The following EXOC6 variants were observed in gnomAD, a reference collection of about 807,000 sequenced individuals.
EXOC6 encodes exocyst complex component 6.
Under a neutral mutation model 112.5 loss-of-function variants are expected in EXOC6, and 60 were observed. The observed-to-expected ratio is 0.53, with a 90% CI of 0.43 to 0.66. The LOEUF is 0.66. Among genes scored for constraint, EXOC6 ranks in the 30% least tolerant of loss-of-function variants. The pLI, the probability that EXOC6 is intolerant of heterozygous loss-of-function variation, is 0.00. For synonymous variants in EXOC6, 295 were observed against 308.0 expected (o/e 0.96, Z 0.44); for missense variants, 855 against 957.1 (o/e 0.89, Z 1.41).
In EXOC6 at chr10:92,920,001, T is replaced by C. The variant is rs1156544167; in HGVS notation, c.839T>C (p.Leu280Pro). ...NEEEILTVQD[L>P]VDFSPVYRCL... is the part of the protein sequence containing the mutation. ...TTTCAGATCTTAACTGTTCAGGATC[T>C]TGTTGATTTTTCCCCTGTTTATCGA... The change falls in exon 8 of 22, where the codon CTT (leucine) becomes CCT (proline). Residue 280 changes from leucine (L) to proline (P), a missense_variant. Leu to Pro is a moderately conservative substitution (Grantham distance 98, BLOSUM62 -3). Coordinates refer to ENST00000260762, the MANE Select transcript of EXOC6 (RefSeq NM_019053.6). 6.2e-7 allele frequency: 1 copy of C among 1,606,940 alleles called. No homozygotes were observed. Among genetic ancestry groups the C allele is most frequent in the Non-Finnish European group, 8.5e-7 (1 of 1,176,360 alleles).
Position 92,986,274 on chromosome 10 carries a change from A to G in EXOC6, c.1954-11200A>G, listed in dbSNP as rs143351837. ...CTTTATATACACTTTGAAAGATTAAAGAATGTGGAAAATATAGTTGAATAA... is the reference window on the plus strand; with the variant it reads ...CTTTATATACACTTTGAAAGATTAAGGAATGTGGAAAATATAGTTGAATAA... On this transcript the variant is annotated intron_variant, in intron 18 of 21. Coordinates refer to ENST00000260762, the MANE Select transcript of EXOC6 (RefSeq NM_019053.6). 3.2e-3 allele frequency among the ~76,000 whole-genome samples: 480 copies of G among 152,310 alleles called. 1 individual carries two copies. Among genetic ancestry groups the G allele is most frequent in the Middle Eastern group, 0.02 (6 of 294 alleles).
At chr10:93,002,938 C>A (rs1336103120) in intron 19 of EXOC6, among the ~76,000 whole-genome samples, 2 of 152,064 alleles carry the variant, frequency 1.3e-5, no homozygotes, top group African/African-American at 4.8e-5. Context: ...TAAAATCCTG[C>A]TAGTCTGTGA....
chr10:92,901,232 A>T (rs1175818116), intron 5 of EXOC6: 1 of 152,176 alleles, frequency 6.6e-6, no homozygotes, highest in African/African-American at 2.4e-5. Context: ...TTTGCAATTA[A>T]TAAGTAATAT....
intron 19 of EXOC6, among the ~76,000 whole-genome samples, chr10:93,013,090 T>G (rs1844333196): frequency 6.6e-6 from 1 of 152,060 alleles, no homozygotes; most frequent in Non-Finnish European, 1.5e-5. Context: ...TTACAGGCAT[T>G]CTTATCAGAG....
chr10:93,011,816 G>A (rs952678122), intron 19 of EXOC6, among the ~76,000 whole-genome samples: 13 of 152,108 alleles, frequency 8.5e-5, no homozygotes, highest in Non-Finnish European at 1.5e-4. Flanking sequence ...GGGTAATGGT[G>A]ATACCACTGT....
At chr10:92,900,771 A>C (rs1387253831) in intron 5 of EXOC6, 3 of 150,694 alleles carry the variant, frequency 2.0e-5, no homozygotes, top group Non-Finnish European at 4.4e-5. Flanking sequence ...ATTTATATTT[A>C]TGTCTTTAAA....
intron 17 of EXOC6, among the ~76,000 whole-genome samples, chr10:92,972,163 A>G (rs935311900): frequency 1.3e-5 from 2 of 152,170 alleles, no homozygotes; most frequent in African/African-American, 4.8e-5. Context: ...ACACTGAGAT[A>G]GGAAGTTAAT....
intron 20 of EXOC6, among the ~76,000 whole-genome samples, chr10:93,015,183 C>A (rs1158653936): frequency 6.6e-6 from 1 of 152,128 alleles, no homozygotes; most frequent in Non-Finnish European, 1.5e-5. Flanking sequence ...GAGGCTTCAT[C>A]ATTGGTATGA....
chr10:92,909,876 T>C (rs1253752735), intron 6 of EXOC6, among the ~76,000 whole-genome samples: 1 of 152,228 alleles, frequency 6.6e-6, no homozygotes. Flanking sequence ...AGCATTCTTC[T>C]CCATATATGT....
At chr10:92,839,545 T>C (rs1250915493) in intron 1 of EXOC6, among the ~76,000 whole-genome samples, 1 of 152,172 alleles carries the variant, frequency 6.6e-6, no homozygotes, top group African/African-American at 2.4e-5. Flanking sequence ...AGTAGCAGTG[T>C]TCATAACATT....
chr10:92,978,939 G>A (rs1194545759), intron 18 of EXOC6, among the ~76,000 whole-genome samples: 2 of 152,170 alleles, frequency 1.3e-5, no homozygotes, highest in African/African-American at 2.4e-5. Context: ...AATGGAGTAC[G>A]TTAGAGTCAA....
In EXOC6 at chr10:93,058,278, C is replaced by A. The variant is rs760629495; in HGVS notation, c.2338C>A (p.Arg780=). Residue 780 remains arginine (R), a synonymous_variant, in exon 22 of 22, where the codon CGA becomes AGA. Transcript: ENST00000260762. ...NIFAQFRKND[R]DKQKLIETVV... is the part of the protein sequence containing the mutation. ...ATTTGCTCAGTTCAGGAAGAATGAT[C>A]GAGACAAACAGAAGTTGATAGAGAC... 12 of 1,611,122 alleles carry A rather than the reference C, an allele frequency of 7.4e-6. No homozygotes were observed. The Admixed American group carries it at 1.9e-4, about 25-fold the overall frequency.
At chr10:92,879,743 C>T (rs1317168184) in intron 1 of EXOC6, among the ~76,000 whole-genome samples, 7 of 152,076 alleles carry the variant, frequency 4.6e-5, no homozygotes, top group Non-Finnish European at 1.0e-4. Flanking sequence ...AATTCAAACA[C>T]TGATTTTAAG....
At position 92,870,441 on chromosome 10, in the gene EXOC6, A is replaced by G. The variant is rs1427495066; in HGVS notation, c.101+21807A>G. On this transcript the variant is annotated intron_variant, in intron 1 of 21. Coordinates refer to ENST00000260762, the MANE Select transcript of EXOC6 (RefSeq NM_019053.6). ...GATTGAATTTATTAATGGATTTCCT[A>G]TTATTGAAATAGTCCTGCTTCTTAG... 2.0e-5 allele frequency among the ~76,000 whole-genome samples: 3 copies of G among 152,092 alleles called. 1 individual carries two copies. Among genetic ancestry groups the G allele is most frequent in the South Asian group, 4.2e-4 (2 of 4,798 alleles).
At chr10:92,896,624 G>T (rs1849844233) in intron 4 of EXOC6, among the ~76,000 whole-genome samples, 1 of 150,960 alleles carries the variant, frequency 6.6e-6, no homozygotes, top group Admixed American at 6.6e-5. Context: ...GTCTCACTCT[G>T]TTGGCCAGGC....
chr10:93,054,010 C>T (rs563502127), intron 20 of EXOC6, among the ~76,000 whole-genome samples: 4 of 152,192 alleles, frequency 2.6e-5, no homozygotes, highest in Non-Finnish European at 4.4e-5. Context: ...ATAGACTGAG[C>T]GGAATGAGCA....
intron 20 of EXOC6, among the ~76,000 whole-genome samples, chr10:93,017,352 A>G (rs1340865278): frequency 1.3e-5 from 2 of 151,722 alleles, no homozygotes; most frequent in Non-Finnish European, 2.9e-5. Context: ...GCACTTTGGA[A>G]GGCTGAGGCG....
At chr10:92,991,435 C>CAAAA (rs1449664701) in intron 18 of EXOC6, among the ~76,000 whole-genome samples, 1 of 48,826 alleles carries the variant, frequency 2.0e-5, no homozygotes. Flanking sequence ...GACTCCATCT[C>CAAAA]AAAAAAAAAA....
At chr10:92,907,396 C>T (rs1055103127) in intron 5 of EXOC6, among the ~76,000 whole-genome samples, 3 of 152,044 alleles carry the variant, frequency 2.0e-5, no homozygotes, top group African/African-American at 7.2e-5. Flanking sequence ...CTGGGTTGTG[C>T]GTATATGGGC....
Sources: gnomAD v4.1 joint callset for allele counts (sites outside exome capture counted in the v4.1 genomes callset) on GRCh38, gnomAD v4.1.1 for gene constraint, MANE v1.5 for transcripts, NCBI Gene and HGNC (gene_info 2026-07-23, HGNC 2026-07-21) for gene names.